RAB27B: variants seen among roughly 807,000 people sequenced by gnomAD.
The protein encoded by RAB27B is RAB27B, member RAS oncogene family.
Under a neutral mutation model 24.6 loss-of-function variants are expected in RAB27B, and 15 were observed. The ratio of observed to expected loss-of-function variants is 0.61; its 90% CI spans 0.41 to 0.94. The LOEUF is 0.94. Ranked by LOEUF, RAB27B falls within the 40% of genes least tolerant of loss-of-function variation. RAB27B has a pLI of 0.00. For synonymous variants in RAB27B, 105 were observed against 92.5 expected, an observed-to-expected ratio of 1.14 and a Z score of -0.78; for missense variants, 261 against 266.8, an observed-to-expected ratio of 0.98 and a Z score of 0.15.
chr18:54,830,556 G>A (rs528496541), intron 1 of RAB27B, among the ~76,000 whole-genome samples: 194 of 152,264 alleles, frequency 1.3e-3, no homozygotes, highest in African/African-American at 4.6e-3. Context: ...GACAAATCAG[G>A]TGTTTCCCAT....
chr18:54,885,433 T>A (rs1489276778), intron 4 of RAB27B, among the ~76,000 whole-genome samples: 1 of 152,202 alleles, frequency 6.6e-6, no homozygotes, highest in African/African-American at 2.4e-5. Context: ...AATTCCCTCT[T>A]ACTTGGGCCC....
chr18:54,818,888 T>C (rs1910205096), intron 2 of RAB27B, among the ~76,000 whole-genome samples: 1 of 152,098 alleles, frequency 6.6e-6, no homozygotes, highest in Non-Finnish European at 1.5e-5. Flanking sequence ...ACACCAAAAA[T>C]ATGACTATAA....
intron 2 of RAB27B, among the ~76,000 whole-genome samples, chr18:54,763,131 C>T (rs1020859215): frequency 3.3e-5 from 5 of 151,964 alleles, no homozygotes; most frequent in Non-Finnish European, 7.4e-5. Flanking sequence ...TTTCAGGAAA[C>T]TTATAACTTC....
intron 1 of RAB27B, among the ~76,000 whole-genome samples, chr18:54,860,062 G>A (rs1911950730): frequency 6.6e-6 from 1 of 152,100 alleles, no homozygotes; most frequent in Non-Finnish European, 1.5e-5. Context: ...TAATTGTTTT[G>A]TGTTTTTGTT....
intron 1 of RAB27B, among the ~76,000 whole-genome samples, chr18:54,862,695 A>C (rs1253841749): frequency 1.3e-5 from 2 of 152,182 alleles, no homozygotes; most frequent in African/African-American, 2.4e-5. Flanking sequence ...TTCACAGGGA[A>C]TACTGATGAT....
chr18:54,767,722 T>C (rs1908409533), intron 2 of RAB27B, among the ~76,000 whole-genome samples: 1 of 152,176 alleles, frequency 6.6e-6, no homozygotes, highest in African/African-American at 2.4e-5. Flanking sequence ...TTGATTATTT[T>C]GCCTGTTTCC....
At chr18:54,888,896 A>G (rs949885795) in intron 5 of RAB27B, among the ~76,000 whole-genome samples, 21 of 152,154 alleles carry the variant, frequency 1.4e-4, no homozygotes, top group Non-Finnish European at 5.9e-5. Context: ...TTTAATAGTA[A>G]CATTGGTCAG....
chr18:54,739,119 A>T (rs1202682440), intron 2 of RAB27B, among the ~76,000 whole-genome samples: 1 of 152,064 alleles, frequency 6.6e-6, no homozygotes, highest in Non-Finnish European at 1.5e-5. Context: ...GTGTTGTTTC[A>T]TTTTAATTTA....
intron 1 of RAB27B, among the ~76,000 whole-genome samples, chr18:54,862,607 G>A (rs976694978): frequency 6.6e-6 from 1 of 152,140 alleles, no homozygotes; most frequent in African/African-American, 2.4e-5. Flanking sequence ...TTAAGCTTCC[G>A]CTTGTCCAAG....
At chr18:54,853,614 A>G (rs1244359524) in intron 1 of RAB27B, among the ~76,000 whole-genome samples, 1 of 152,166 alleles carries the variant, frequency 6.6e-6, no homozygotes, top group African/African-American at 2.4e-5. Context: ...GTGTTTTGCT[A>G]ATCCTATTAA....
intron 1 of RAB27B, among the ~76,000 whole-genome samples, chr18:54,861,612 T>C (rs779266064): frequency 5.1e-4 from 77 of 152,202 alleles, no homozygotes; most frequent in Admixed American, 1.1e-3. Context: ...GAATCATTCA[T>C]TGGCAGTGAG....
intron 2 of RAB27B, among the ~76,000 whole-genome samples, chr18:54,756,319 T>C (rs1309923916): frequency 6.6e-6 from 1 of 152,206 alleles, no homozygotes; most frequent in Non-Finnish European, 1.5e-5. Flanking sequence ...TGCCACCATT[T>C]CAGTTGAAAC....
chr18:54,863,394 T>A (rs1912083273), intron 1 of RAB27B, among the ~76,000 whole-genome samples: 1 of 152,212 alleles, frequency 6.6e-6, no homozygotes, highest in African/African-American at 2.4e-5. Flanking sequence ...TGAATATGCA[T>A]GATACTTACT....
At chr18:54,845,509 GA>G (rs1189046118) in intron 1 of RAB27B, among the ~76,000 whole-genome samples, 8 of 147,380 alleles carry the variant, frequency 5.4e-5, no homozygotes, top group East Asian at 2.0e-4. Flanking sequence ...CATTGCAACA[GA>G]AAAAAAAAAG....
chr18:54,880,292 G>A (rs1007591223), intron 3 of RAB27B: 1 of 152,078 alleles, frequency 6.6e-6, no homozygotes, highest in Non-Finnish European at 1.5e-5. Flanking sequence ...AGAGCTGGAG[G>A]TACTATTCCA....
chr18:54,862,828 T>A (rs1439407262), intron 1 of RAB27B, among the ~76,000 whole-genome samples: 1 of 152,234 alleles, frequency 6.6e-6, no homozygotes, highest in Non-Finnish European at 1.5e-5. Flanking sequence ...TCAGTCCTGA[T>A]CTGTGAGCAC....
chr18:54,845,905 T>A (rs1911318230), intron 1 of RAB27B, among the ~76,000 whole-genome samples: 1 of 152,222 alleles, frequency 6.6e-6, no homozygotes, highest in Non-Finnish European at 1.5e-5. Context: ...GCTTTTGTAG[T>A]CATTTGCAGG....
At chr18:54,887,523 A>C (rs1913194803) in intron 4 of RAB27B, among the ~76,000 whole-genome samples, 1 of 152,156 alleles carries the variant, frequency 6.6e-6, no homozygotes, top group Admixed American at 6.5e-5. Context: ...CATGGATTGA[A>C]AAGATCTTCC....
chr18:54,769,133 T>G (rs186943757), intron 2 of RAB27B, among the ~76,000 whole-genome samples: 7 of 152,266 alleles, frequency 4.6e-5, no homozygotes, highest in African/African-American at 1.7e-4. Context: ...TTATGAGCCT[T>G]TATAATCAAA....
Sources: gnomAD v4.1 joint callset for allele counts (sites outside exome capture counted in the v4.1 genomes callset) on GRCh38, gnomAD v4.1.1 for gene constraint, MANE v1.5 for transcripts, NCBI Gene and HGNC (gene_info 2026-07-23, HGNC 2026-07-21) for gene names.